CDH18: variants seen among roughly 807,000 people sequenced by gnomAD.
The protein encoded by CDH18 is cadherin 18, also known as cadherin-18.
A neutral mutation model predicts 67.9 loss-of-function variants in CDH18; 31 were observed. The ratio of observed to expected loss-of-function variants is 0.46; its 90% CI spans 0.34 to 0.62. The LOEUF is 0.62. CDH18 is among the 20% of genes least tolerant of loss of function. The pLI is 0.01. For missense variants in CDH18, 890 were observed against 975.5 expected, an observed-to-expected ratio of 0.91 and a Z score of 1.17; for synonymous variants, 362 against 347.2, an observed-to-expected ratio of 1.04 and a Z score of -0.48.
chr5:20,183,356 T>A (rs1267720448), intron 2 of CDH18, among the ~76,000 whole-genome samples: 3 of 152,064 alleles, frequency 2.0e-5, no homozygotes, highest in Non-Finnish European at 4.4e-5. Flanking sequence ...TTTACCAGAA[T>A]AATGGGCTAT....
At chr5:19,530,165 T>G (rs547496452) in intron 9 of CDH18, among the ~76,000 whole-genome samples, 6 of 152,078 alleles carry the variant, frequency 3.9e-5, no homozygotes, top group Non-Finnish European at 8.8e-5. Flanking sequence ...AAACTAGCCA[T>G]AACAATTAAT....
At chr5:20,270,872 C>G (rs1478719600) in intron 1 of CDH18, among the ~76,000 whole-genome samples, 3 of 152,016 alleles carry the variant, frequency 2.0e-5, no homozygotes, top group Non-Finnish European at 2.9e-5. Context: ...TTAGCAACCT[C>G]TAATGCAGGG....
intron 4 of CDH18, among the ~76,000 whole-genome samples, chr5:19,732,646 T>A (rs1581108474): frequency 1.3e-5 from 2 of 152,332 alleles, no homozygotes; most frequent in East Asian, 3.9e-4. Context: ...CATGGGAATA[T>A]CTACTTTCTT....
chr5:19,529,181 T>C (rs347694), intron 9 of CDH18, among the ~76,000 whole-genome samples: 18,565 of 152,058 alleles, frequency 0.12, 1,798 homozygotes, highest in African/African-American at 0.28. Context: ...AAGTGAGGGA[T>C]ATCCTAGGAA....
rs1202805052 is a variant in CDH18, at chr5:19,755,456, TATACACAC to T, written c.229-8228_229-8221del. Among the ~76,000 whole-genome samples the T allele has an allele frequency of 1.1e-3, 20 of 17,546 alleles. 2 individuals carry two copies. Among genetic ancestry groups the T allele is most frequent in the South Asian group, 5.8e-3 (1 of 172 alleles). The allele number at this position is 17,546 out of a possible 152,430, so 11.5% of individuals were successfully genotyped here. The stretch of plus-strand genomic sequence containing the variant: ...GTATATATATATATATATATATATA[TATACACAC>T]ACACACACACATACATAGATATATA... On this transcript the variant is annotated intron_variant, in intron 3 of 12. Coordinates refer to ENST00000382275, the MANE Select transcript of CDH18 (RefSeq NM_004934.5).
chr5:19,838,767 C>T lies in CDH18; in HGVS notation c.220G>A (p.Val74Ile). Residue 74 changes from valine to isoleucine, a missense_variant, in exon 3 of 13, where the codon GTT becomes ATT. This residue lies in a region of CDH18 where 234 missense variants were observed against 307.4 expected (regional missense o/e 0.76). Coordinates refer to ENST00000382275, the MANE Select transcript of CDH18 (RefSeq NM_004934.5). ...AATAAACAAAATCTTACCTTTCCAA[C>T]ATACTGAGGATCTGGTCCCATATGT... is the stretch of plus-strand genomic sequence containing the variant. ...EEHMGPDPQY[V>I]GKLHSNSDKG... The T allele has an allele frequency of 1.2e-6, 2 of 1,608,910 alleles. No homozygotes were observed. Among genetic ancestry groups the T allele is most frequent in the South Asian group, 1.1e-5 (1 of 90,964 alleles).
intron 2 of CDH18, among the ~76,000 whole-genome samples, chr5:20,135,340 T>C (rs1178364939): frequency 6.6e-6 from 1 of 152,178 alleles, no homozygotes; most frequent in East Asian, 1.9e-4. Flanking sequence ...TGTCCAGAAA[T>C]TTATCCATTT....
At chr5:20,412,982 G>A (rs1008929470) in intron 1 of CDH18, among the ~76,000 whole-genome samples, 1 of 152,100 alleles carries the variant, frequency 6.6e-6, no homozygotes, top group Admixed American at 6.5e-5. Context: ...CCCACGACAG[G>A]CCCCGGTGTG....
intron 3 of CDH18, among the ~76,000 whole-genome samples, chr5:19,814,005 G>A (rs933992070): frequency 9.2e-5 from 14 of 151,840 alleles, no homozygotes; most frequent in South Asian, 2.1e-4. Flanking sequence ...TCCAGAAGAC[G>A]TAACAACCTT....
intron 3 of CDH18, among the ~76,000 whole-genome samples, chr5:19,821,101 C>A (rs1443354579): frequency 6.6e-6 from 1 of 151,996 alleles, no homozygotes; most frequent in Non-Finnish European, 1.5e-5. Context: ...GGATTCTAAG[C>A]AGATTGAGAT....
At chr5:20,400,751 A>T (rs1745696401) in intron 1 of CDH18, among the ~76,000 whole-genome samples, 2 of 152,112 alleles carry the variant, frequency 1.3e-5, no homozygotes, top group South Asian at 2.1e-4. Flanking sequence ...ACTTCCCTAC[A>T]AACCTATGTT....
intron 1 of CDH18, among the ~76,000 whole-genome samples, chr5:20,560,928 T>C (rs1758172990): frequency 6.6e-6 from 1 of 151,544 alleles, no homozygotes; most frequent in South Asian, 2.1e-4. Flanking sequence ...AGTAAGAAAA[T>C]TAACAAACTA....
At chr5:19,555,270 C>G (rs1027698721) in intron 8 of CDH18, among the ~76,000 whole-genome samples, 32 of 152,156 alleles carry the variant, frequency 2.1e-4, no homozygotes, top group African/African-American at 7.7e-4. Flanking sequence ...CAAGAGAATC[C>G]ACAGACCCTT....
Position 19,473,223 on chromosome 5 carries a change from C to A in CDH18, c.*3G>T. The A allele has an allele frequency of 6.2e-7, 1 of 1,611,732 alleles. No homozygotes were observed. Among genetic ancestry groups the A allele is most frequent in the Non-Finnish European group, 8.5e-7 (1 of 1,178,552 alleles). On this transcript the variant is annotated 3_prime_UTR_variant, in exon 13 of 13. Transcript: ENST00000382275. Reference sequence around the variant, plus strand: ...ATTCCACAAGGTTGCAAGAACTGACCCCCTAAGTTGTTCTTTCAGATTCTA... The same window carrying A: ...ATTCCACAAGGTTGCAAGAACTGACACCCTAAGTTGTTCTTTCAGATTCTA...
intron 1 of CDH18, among the ~76,000 whole-genome samples, chr5:20,414,908 C>T (rs192789579): frequency 3.5e-4 from 53 of 152,174 alleles, no homozygotes; most frequent in African/African-American, 1.2e-3. Context: ...ATGGTGTAGC[C>T]ACAATGGAAA....
intron 5 of CDH18, among the ~76,000 whole-genome samples, chr5:19,709,053 T>C (rs968754330): frequency 2.0e-5 from 3 of 152,018 alleles, no homozygotes; most frequent in African/African-American, 7.2e-5. Context: ...TTCAAACCTG[T>C]ACTGTTGGTA....
intron 1 of CDH18, among the ~76,000 whole-genome samples, chr5:20,538,909 G>GT (rs35247774): frequency 0.016 from 1,874 of 118,686 alleles, 88 homozygotes; most frequent in African/African-American, 0.055. Flanking sequence ...TTTTTTTTTT[G>GT]TTTTTTTTTT....
intron 1 of CDH18, among the ~76,000 whole-genome samples, chr5:20,350,975 TA>T (rs138943500): frequency 1.8e-4 from 26 of 147,562 alleles, no homozygotes; most frequent in South Asian, 2.1e-4. Context: ...TTTGGAAAAG[TA>T]AAAAAAAAAG....
chr5:19,475,386 C>T (rs1738274063), intron 12 of CDH18, among the ~76,000 whole-genome samples: 1 of 151,958 alleles, frequency 6.6e-6, no homozygotes, highest in Admixed American at 6.6e-5. Context: ...CCAAACTTAT[C>T]TAACACAAAA....
Sources: allele counts gnomAD v4.1 joint callset (sites outside exome capture counted in the v4.1 genomes callset), GRCh38; gene constraint gnomAD v4.1.1; regional missense constraint gnomAD v4.1.1; transcripts MANE v1.5; gene names NCBI Gene and HGNC (gene_info 2026-07-23, HGNC 2026-07-21).